Variants in HPN observed in about 807,000 individuals in gnomAD.
HPN encodes hepsin.
Under a neutral mutation model 55.9 loss-of-function variants are expected in HPN, and 13 were observed. The observed-to-expected ratio is 0.23, with a 90% confidence interval of 0.15 to 0.37. The LOEUF is 0.37. HPN is among the 10% of genes least tolerant of loss of function. The pLI is 1.00. For missense variants in HPN, 451 were observed against 575.8 expected (o/e 0.78, Z 2.22); for synonymous variants, 225 against 240.3 (o/e 0.94, Z 0.59).
chr19:35,056,180 G>T (rs888366942), intron 4 of HPN, among the ~76,000 whole-genome samples: 9 of 152,086 alleles, frequency 5.9e-5, no homozygotes, highest in African/African-American at 2.2e-4. Context: ...TCTCCTTGCA[G>T]CGACTGAAAA....
Position 35,066,071 on chromosome 19 carries a change from T to C in HPN, c.1215+39T>C, listed in dbSNP as rs778572277. 4 of 1,609,464 alleles carry C rather than the reference T, an allele frequency of 2.5e-6. No homozygotes were observed. The Admixed American group carries it at 6.7e-5, about 27-fold the overall frequency. On this transcript the variant is annotated intron_variant, in intron 12 of 12. Coordinates refer to ENST00000672452, the MANE Select transcript of HPN (RefSeq NM_001384133.1). ...CCAGATGGGAGCCAGGGTGGGGACG[T>C]TTGGGTGTCTAATGGGGGAAGGGAG...
chr19:35,059,475 C>T (rs1446091195), intron 4 of HPN, 198 bp from the exon 5 acceptor site: 1 of 734,224 alleles, frequency 1.4e-6, no homozygotes, highest in Admixed American at 2.0e-5. Context: ...GAGCGAGACC[C>T]TGTCTTTAAA....
rs778230087 is a variant in HPN at position 35,041,855 on chromosome 19, C to T, written c.-72C>T. The T allele has an allele frequency of 2.2e-6, 3 of 1,342,796 alleles. No individual in the cohort carries two copies. The highest frequency in any genetic ancestry group is 2.9e-6 in the Non-Finnish European group (3 of 1,017,814). 83.2% of individuals were successfully genotyped at this position (1,342,796 alleles called of 1,614,324 possible). A position where few individuals can be genotyped will look rare whatever the true frequency, so the allele number is the denominator to read the frequency against. ...CGGCACTACCTCGAGGCTCCGCCCC[C>T]ACCTGCTGGACCCCAGGGTAAGGAC... is the stretch of plus-strand genomic sequence containing the variant. On this transcript the variant is annotated 5_prime_UTR_variant, in exon 1 of 13. Transcript: ENST00000672452.
intron 3 of HPN, 36 bp downstream of exon 3, chr19:35,049,427 C>G (rs376615364): frequency 1.2e-6 from 2 of 1,612,124 alleles, no homozygotes; most frequent in Non-Finnish European, 1.7e-6. Flanking sequence ...CCTCCCCTGG[C>G]CCCTGCAGCC....
Position 35,041,766 on chromosome 19 carries a change from T to C in HPN, c.-161T>C. The stretch of plus-strand genomic sequence containing the variant: ...CAGGCCCCACGCCACCGCCTCTGCC[T>C]CCAGGCCGCCCGCTGCTGCGGGGCC... On this transcript the variant is annotated 5_prime_UTR_variant, in exon 1 of 13. Transcript: ENST00000672452. The C allele has an allele frequency of 3.9e-6, 5 of 1,280,940 alleles. 1 individual carries two copies. The South Asian group carries it at 6.2e-5, about 16-fold the overall frequency. 79.3% of individuals were successfully genotyped at this position (1,280,940 alleles called of 1,614,324 possible).
At chr19:35,061,969 G>A (rs1212360395) in intron 9 of HPN, among the ~76,000 whole-genome samples, 6 of 152,004 alleles carry the variant, frequency 3.9e-5, no homozygotes, top group African/African-American at 1.5e-4. Context: ...AAGGCAGGAG[G>A]ATCACTTGAG....
At chr19:35,045,721 C>T (rs533711788) in intron 2 of HPN, among the ~76,000 whole-genome samples, 1 of 150,844 alleles carries the variant, frequency 6.6e-6, no homozygotes, top group Non-Finnish European at 1.5e-5. Flanking sequence ...GAGGATGCTG[C>T]CTGTCCCAGT....
chr19:35,059,387 T>C, intron 4 of HPN: 2 of 540,510 alleles, frequency 3.7e-6, no homozygotes, highest in Non-Finnish European at 6.8e-6. Context: ...GAGGTTGAGG[T>C]AGGAGGATTT....
chr19:35,063,498 C>T (rs2064560975), intron 9 of HPN, among the ~76,000 whole-genome samples: 1 of 152,132 alleles, frequency 6.6e-6, no homozygotes, highest in African/African-American at 2.4e-5. Flanking sequence ...CACTTGAGGT[C>T]GGGAGTTTGA....
intron 9 of HPN, among the ~76,000 whole-genome samples, chr19:35,064,754 A>G (rs1376067397): frequency 1.3e-5 from 2 of 152,104 alleles, no homozygotes; most frequent in Admixed American, 6.6e-5. Flanking sequence ...ATTAAAGAAA[A>G]TGGTGCAGGA....
At chr19:35,063,857 A>T (rs1246013469) in intron 9 of HPN, among the ~76,000 whole-genome samples, 3 of 152,154 alleles carry the variant, frequency 2.0e-5, no homozygotes. Flanking sequence ...GCTTCACCTC[A>T]CCGTGCCTCA....
chr19:35,065,750 T>A, intron 11 of HPN, 69 bp downstream of exon 11: 1 of 1,603,890 alleles, frequency 6.2e-7, no homozygotes, highest in Non-Finnish European at 8.5e-7. Context: ...GGGGAGTGGG[T>A]GGTCAGGCTC....
At chr19:35,066,228 C>T (rs371331822) in intron 12 of HPN, 21 bp from the exon 13 acceptor site, 2 of 1,614,020 alleles carry the variant, frequency 1.2e-6, no homozygotes, top group Non-Finnish European at 1.7e-6. Flanking sequence ...ACCTCGGGAG[C>T]CCCCAGCTGT....
At chr19:35,056,941 G>A (rs1328420857) in intron 4 of HPN, among the ~76,000 whole-genome samples, 1 of 151,948 alleles carries the variant, frequency 6.6e-6, no homozygotes, top group African/African-American at 2.4e-5. Context: ...TCTGACTATA[G>A]GATATTGATT....
chr19:35,065,711 G>GA, intron 11 of HPN, 30 bp downstream of exon 11: 1 of 1,613,176 alleles, frequency 6.2e-7, no homozygotes, highest in Non-Finnish European at 8.5e-7. Context: ...CAGCCCCCTG[G>GA]TCGCTGCCAC....
chr19:35,060,606 C>G (rs1177791098), intron 8 of HPN, 21 bp from the exon 9 acceptor site: 4 of 1,613,108 alleles, frequency 2.5e-6, no homozygotes, highest in South Asian at 1.1e-5. Context: ...GGTGGCCACC[C>G]TCCACCCCTT....
chr19:35,055,393 T>C lies in HPN; in HGVS notation c.161-4280T>C, dbSNP rs1044403472. On this transcript the variant is annotated intron_variant, in intron 4 of 12. Coordinates refer to ENST00000672452, the MANE Select transcript of HPN (RefSeq NM_001384133.1). ...GCCTGGGTGGTGGAGCGAGACCCTG[T>C]CTCAAAAAAGAAAAAAAAAAGTGGC... is the stretch of plus-strand genomic sequence containing the variant. 3.5e-4 allele frequency among the ~76,000 whole-genome samples: 19 copies of C among 54,390 alleles called. No homozygotes were observed. The Admixed American group carries it at 3.6e-3, about 10-fold the overall frequency. 35.7% of individuals were successfully genotyped at this position (54,390 alleles called of 152,430 possible).
chr19:35,041,157 G>A (rs1470385457), upstream of HPN, among the ~76,000 whole-genome samples: 4 of 152,334 alleles, frequency 2.6e-5, no homozygotes, highest in East Asian at 1.9e-4. Flanking sequence ...CCCCTATCTA[G>A]TGCTAGGACT....
Position 35,042,472 on chromosome 19 carries a change from G to T in HPN, c.-35G>T, listed in dbSNP as rs540235835. The T allele has an allele frequency of 6.3e-7, 1 of 1,599,830 alleles. No homozygotes were observed. The highest frequency in any genetic ancestry group is 8.5e-7 in the Non-Finnish European group (1 of 1,173,584). ...TCACAGGTCCCACCCTGGCCCAGGA[G>T]GTCAGCCAGGGAATCATTAACAAGA... On this transcript the variant is annotated 5_prime_UTR_variant, in exon 2 of 13. It adds an upstream start codon to the 5' untranslated region. Coordinates refer to ENST00000672452, the MANE Select transcript of HPN (RefSeq NM_001384133.1).
Sources: gnomAD v4.1 joint callset for allele counts (sites outside exome capture counted in the v4.1 genomes callset) on GRCh38, gnomAD v4.1.1 for gene constraint, MANE v1.5 for transcripts, NCBI Gene and HGNC (gene_info 2026-07-23, HGNC 2026-07-21) for gene names.